The following SV2B variants were observed in gnomAD, a reference collection of about 807,000 sequenced individuals.
SV2B encodes the protein synaptic vesicle glycoprotein 2B.
SV2B carries 41 observed loss-of-function variants against 73.9 expected under a neutral mutation model. The observed-to-expected ratio is 0.56, with a 90% CI of 0.43 to 0.72. SV2B has a LOEUF of 0.72. Among genes scored for constraint, SV2B ranks in the 30% least tolerant of loss-of-function variants. SV2B has a pLI of 0.00. For synonymous variants in SV2B, 314 were observed against 314.2 expected, an observed-to-expected ratio of 1.00 and a Z score of 0.01; for missense variants, 764 against 857.8, an observed-to-expected ratio of 0.89 and a Z score of 1.37.
chr15:91,120,625 G>A (rs1024028247), intron 1 of SV2B, among the ~76,000 whole-genome samples: 3 of 151,954 alleles, frequency 2.0e-5, no homozygotes, highest in African/African-American at 7.3e-5. Flanking sequence ...ACCAGCCTGG[G>A]CAACAGGGTG....
intron 1 of SV2B, among the ~76,000 whole-genome samples, chr15:91,182,445 A>G (rs767343964): frequency 6.6e-6 from 1 of 152,202 alleles, no homozygotes. Flanking sequence ...AGATGTTCCT[A>G]TTTTCAGTCT....
chr15:91,239,979 GA>G lies in SV2B; in HGVS notation c.452-11838del, dbSNP rs1379879243. On this transcript the variant is annotated intron_variant, in intron 2 of 12. Transcript: ENST00000394232. This position sits in a 1 kb window ranked among gnomAD's most constrained non-coding sequence, Gnocchi z 5.1. ...TGCCTGGATTAATCACTGGCAAGAA[GA>G]ATTGGATGAAGAGGACCTTGTTGAA... Among the ~76,000 whole-genome samples, 1 of 152,208 alleles carries G rather than the reference GA, an allele frequency of 6.6e-6. No homozygotes were observed. The highest frequency in any genetic ancestry group is 1.5e-5 in the Non-Finnish European group (1 of 68,042).
chr15:91,118,800 C>T lies in SV2B; in HGVS notation c.-392+18437C>T, dbSNP rs2042247932. Among the ~76,000 whole-genome samples, 1 of 152,266 alleles carries T rather than the reference C, an allele frequency of 6.6e-6. No individual in the cohort carries two copies. Among genetic ancestry groups the T allele is most frequent in the African/African-American group, 2.4e-5 (1 of 41,468 alleles). On this transcript the variant is annotated intron_variant, in intron 1 of 12. Coordinates refer to ENST00000394232, the MANE Select transcript of SV2B (RefSeq NM_001323032.3). The surrounding 1 kb of genome is among the most constrained non-coding windows in gnomAD (Gnocchi z 4.7). ...CATAATAGCTCTTGCTGTGATTACG[C>T]TTCACTCATTCTTGTTTGAATGAAC...
In SV2B at chr15:91,106,361, G is replaced by A. The variant is rs1401198040; in HGVS notation, c.-392+5998G>A. ...TTATTTTTCCGTGAGCCAAGTCACT[G>A]CTGTATCACTAGTGCCCAGAATATT... is the stretch of plus-strand genomic sequence containing the variant. On this transcript the variant is annotated intron_variant, in intron 1 of 12. Transcript: ENST00000394232. This position sits in a 1 kb window ranked among gnomAD's most constrained non-coding sequence, Gnocchi z 4.4. 6.6e-6 allele frequency among the ~76,000 whole-genome samples: 1 copy of A among 152,200 alleles called. No individual in the cohort carries two copies. Among genetic ancestry groups the A allele is most frequent in the Admixed American group, 6.5e-5 (1 of 15,288 alleles).
chr15:91,192,012 C>T (rs2045054122), intron 1 of SV2B, among the ~76,000 whole-genome samples: 1 of 148,842 alleles, frequency 6.7e-6, no homozygotes, highest in Admixed American at 6.6e-5. Flanking sequence ...AGATCTTCCA[C>T]CAGAGTGAAT....
At chr15:91,157,205 T>C (rs1487021025) in intron 1 of SV2B, among the ~76,000 whole-genome samples, 1 of 152,176 alleles carries the variant, frequency 6.6e-6, no homozygotes, top group Non-Finnish European at 1.5e-5. Flanking sequence ...CCGGGAAGCA[T>C]GTCCTGGAGT....
At position 91,223,985 on chromosome 15, in the gene SV2B, T is replaced by G. The variant is rs143155541; in HGVS notation, c.-391-1888T>G. Among the ~76,000 whole-genome samples, 1 of 152,368 alleles carries G rather than the reference T, an allele frequency of 6.6e-6. No homozygotes were observed. Among genetic ancestry groups the G allele is most frequent in the African/African-American group, 2.4e-5 (1 of 41,596 alleles). On this transcript the variant is annotated intron_variant, in intron 1 of 12. Coordinates refer to ENST00000394232, the MANE Select transcript of SV2B (RefSeq NM_001323032.3). The surrounding 1 kb of genome is among the most constrained non-coding windows in gnomAD (Gnocchi z 4.6). ...CATTTCTGTTGAGCCGCCCACGTTCTGAGTGGTGCTTCACCCTGTAATGTT... is the reference window on the plus strand; with the variant it reads ...CATTTCTGTTGAGCCGCCCACGTTCGGAGTGGTGCTTCACCCTGTAATGTT...
In SV2B at chr15:91,123,187, C is replaced by T. The variant is rs1209563970; in HGVS notation, c.-392+22824C>T. On this transcript the variant is annotated intron_variant, in intron 1 of 12. Coordinates refer to ENST00000394232, the MANE Select transcript of SV2B (RefSeq NM_001323032.3). The surrounding 1 kb of genome is among the most constrained non-coding windows in gnomAD (Gnocchi z 4.7). The stretch of plus-strand genomic sequence containing the variant: ...TACCTGGGAGGCTGAGGTGGGAGGA[C>T]CACTTGAGCCTGGGAGTTCATTAAA... Among the ~76,000 whole-genome samples, 4 of 152,112 alleles carry T rather than the reference C, an allele frequency of 2.6e-5. No homozygotes were observed. Among genetic ancestry groups the T allele is most frequent in the Non-Finnish European group, 5.9e-5 (4 of 67,978 alleles).
At position 91,297,948 on chromosome 15, in the gene SV2B, T is replaced by G. The variant is rs1420172381; in HGVS notation, c.*5396T>G. 6.6e-6 allele frequency: 1 copy of G among 152,220 alleles called. No homozygotes were observed. The highest frequency in any genetic ancestry group is 2.4e-5 in the African/African-American group (1 of 41,438). The allele number at this position is 152,220 out of a possible 1,614,324, so 9.4% of individuals were successfully genotyped here. ...GATCTTTGTTTTGGCCATTTCCACC[T>G]GGTGAAGATTTTCATAGACAAATAT... On this transcript the variant is annotated 3_prime_UTR_variant, in exon 13 of 13. Coordinates refer to ENST00000394232, the MANE Select transcript of SV2B (RefSeq NM_001323032.3). The surrounding 1 kb of genome is among the most constrained non-coding windows in gnomAD (Gnocchi z 5.1).
rs2048191947 is a variant in SV2B at position 91,268,679 on chromosome 15, G to A, written c.1373+74G>A. 2.0e-6 allele frequency: 3 copies of A among 1,537,470 alleles called. No individual in the cohort carries two copies. The highest frequency in any genetic ancestry group is 8.8e-7 in the Non-Finnish European group (1 of 1,134,838). On this transcript the variant is annotated intron_variant, in intron 9 of 12. Transcript: ENST00000394232. The surrounding 1 kb of genome is among the most constrained non-coding windows in gnomAD (Gnocchi z 4.4). ...GGACTGTTATTGGGAGGGAGCCGGAGGGAAGATAAGAATCAAATATGGCCG... is the reference window on the plus strand; with the variant it reads ...GGACTGTTATTGGGAGGGAGCCGGAAGGAAGATAAGAATCAAATATGGCCG...
In SV2B at chr15:91,123,006, C is replaced by G. The variant is rs769612751; in HGVS notation, c.-392+22643C>G. 5.9e-5 allele frequency among the ~76,000 whole-genome samples: 9 copies of G among 152,198 alleles called. No individual in the cohort carries two copies. Among genetic ancestry groups the G allele is most frequent in the Non-Finnish European group, 4.4e-5 (3 of 68,030 alleles). On this transcript the variant is annotated intron_variant, in intron 1 of 12. Transcript: ENST00000394232. This position sits in a 1 kb window ranked among gnomAD's most constrained non-coding sequence, Gnocchi z 4.7. ...AAATTGCTGGTCAGGTGTGCTGACT[C>G]ACTCCTGTAATCCCAACACTTTGGG... is the stretch of plus-strand genomic sequence containing the variant.
intron 1 of SV2B, among the ~76,000 whole-genome samples, chr15:91,222,505 T>C (rs1033491888): frequency 6.6e-6 from 1 of 152,250 alleles, no homozygotes; most frequent in Non-Finnish European, 1.5e-5. Context: ...GTCATAGTCC[T>C]GTAATGCCTT....
rs1413952452 is a variant in SV2B at position 91,214,155 on chromosome 15, G to A, written c.-391-11718G>A. On this transcript the variant is annotated intron_variant, in intron 1 of 12. Transcript: ENST00000394232. The surrounding 1 kb of genome is among the most constrained non-coding windows in gnomAD (Gnocchi z 4.7). ...GACCGGTTCCGGATCTCTAGAGGAG[G>A]GAGCTGGCATGGACTGGTGGAGTGG... 6.6e-6 allele frequency among the ~76,000 whole-genome samples: 1 copy of A among 152,186 alleles called. No homozygotes were observed. Among genetic ancestry groups the A allele is most frequent in the Admixed American group, 6.5e-5 (1 of 15,280 alleles).
chr15:91,136,131 C>T lies in SV2B; in HGVS notation c.-392+35768C>T, dbSNP rs2042816567. Among the ~76,000 whole-genome samples, 1 of 152,194 alleles carries T rather than the reference C, an allele frequency of 6.6e-6. No homozygotes were observed. Among genetic ancestry groups the T allele is most frequent in the Non-Finnish European group, 1.5e-5 (1 of 68,036 alleles). On this transcript the variant is annotated intron_variant, in intron 1 of 12. Coordinates refer to ENST00000394232, the MANE Select transcript of SV2B (RefSeq NM_001323032.3). This position sits in a 1 kb window ranked among gnomAD's most constrained non-coding sequence, Gnocchi z 5.6. The stretch of plus-strand genomic sequence containing the variant: ...CTTTACCACCTTCACAAAGTACTGC[C>T]TTCACAGACTCCTAGGGATCTGGGA...
At chr15:91,211,715 G>A (rs1429793375) in intron 1 of SV2B, among the ~76,000 whole-genome samples, 6 of 151,372 alleles carry the variant, frequency 4.0e-5, no homozygotes, top group Admixed American at 3.9e-4. Flanking sequence ...TATTGGCTAG[G>A]CTGGTCTCAA....
At chr15:91,169,568 G>T (rs949765652) in intron 1 of SV2B, among the ~76,000 whole-genome samples, 2 of 152,112 alleles carry the variant, frequency 1.3e-5, no homozygotes, top group Non-Finnish European at 2.9e-5. Context: ...CGCTCGACAA[G>T]TATGTGCACC....
chr15:91,277,710 A>C (rs904660969), intron 9 of SV2B, among the ~76,000 whole-genome samples: 6 of 152,194 alleles, frequency 3.9e-5, no homozygotes, highest in Non-Finnish European at 5.9e-5. Context: ...TACCTGTTGA[A>C]GGGATCTTTG....
At chr15:91,221,693 G>GCGCGCACACACA (rs370290337) in intron 1 of SV2B, among the ~76,000 whole-genome samples, 1,635 of 140,140 alleles carry the variant, frequency 0.012, 11 homozygotes, top group Middle Eastern at 0.032. Flanking sequence ...AAGCATGTGC[G>GCGCGCACACACA]CACACACACA....
chr15:91,270,235 C>T (rs929985671), intron 9 of SV2B, among the ~76,000 whole-genome samples: 2 of 152,132 alleles, frequency 1.3e-5, no homozygotes, highest in African/African-American at 4.8e-5. Context: ...ACAAGTAATA[C>T]TAATGGTAGC....
Sources: allele counts gnomAD v4.1 joint callset (sites outside exome capture counted in the v4.1 genomes callset), GRCh38; gene constraint gnomAD v4.1.1; non-coding constraint Gnocchi (gnomAD v3.1); transcripts MANE v1.5; gene names NCBI Gene and HGNC (gene_info 2026-07-23, HGNC 2026-07-21).